TRMT44: variants seen among roughly 807,000 people sequenced by gnomAD.
The protein encoded by TRMT44 is tRNA methyltransferase 44 homolog.
A neutral mutation model predicts 77.3 loss-of-function variants in TRMT44; 78 were observed. That is an observed-to-expected ratio of 1.01 (90% CI 0.84 to 1.22). TRMT44 has a LOEUF of 1.22. Ranked by LOEUF, TRMT44 falls within the 50% of genes most tolerant of loss-of-function variation. The pLI, the probability that TRMT44 is intolerant of heterozygous loss-of-function variation, is 0.00. For missense variants in TRMT44, 1,090 were observed against 964.4 expected, an observed-to-expected ratio of 1.13 and a Z score of -1.73; for synonymous variants, 391 against 383.3, an observed-to-expected ratio of 1.02 and a Z score of -0.23.
At chr4:8,487,663 C>G (rs1213285753) in intron 2 of TRMT44, among the ~76,000 whole-genome samples, 1 of 151,762 alleles carries the variant, frequency 6.6e-6, no homozygotes, top group Non-Finnish European at 1.5e-5. Flanking sequence ...TTCTTGCCCC[C>G]TAGAAAAGCG....
chr4:8,443,164 G>A (rs904204742), intron 1 of TRMT44, among the ~76,000 whole-genome samples: 4 of 152,198 alleles, frequency 2.6e-5, no homozygotes, highest in African/African-American at 9.7e-5. Context: ...CTCTCTGCCA[G>A]TCCAGTCTAG....
chr4:8,445,106 C>A (rs1055249604), intron 1 of TRMT44, among the ~76,000 whole-genome samples: 13 of 152,228 alleles, frequency 8.5e-5, no homozygotes, highest in African/African-American at 3.1e-4. Context: ...AAACCCTGAT[C>A]CAGAGGATGG....
At position 8,459,322 on chromosome 4, in the gene TRMT44, G is replaced by T. The variant is rs73213413; in HGVS notation, c.1203+4509G>T. 8.8e-3 allele frequency among the ~76,000 whole-genome samples: 1,333 copies of T among 152,328 alleles called. 6 individuals carry two copies. The highest frequency in any genetic ancestry group is 0.033 in the South Asian group (159 of 4,826). On this transcript the variant is annotated intron_variant, in intron 6 of 10. Coordinates refer to ENST00000389737, the MANE Select transcript of TRMT44 (RefSeq NM_152544.3). Reference sequence around the variant, plus strand: ...TGACAGTCATCCAGTGCTGTGTGTGGATGCCTTTCTAAAGGTAAATGTATT... The same window carrying T: ...TGACAGTCATCCAGTGCTGTGTGTGTATGCCTTTCTAAAGGTAAATGTATT...
At chr4:8,468,598 C>T (rs1726766535) in intron 9 of TRMT44, 3 of 594,970 alleles carry the variant, frequency 5.0e-6, no homozygotes, top group African/African-American at 1.9e-5. Flanking sequence ...TTTTACCAAA[C>T]ATGCAGGTTT....
At chr4:8,479,445 T>G (rs921865414), downstream of TRMT44, 2 of 151,934 alleles carry the variant, frequency 1.3e-5, no homozygotes, top group African/African-American at 2.4e-5. Context: ...ACCCAGGCTG[T>G]GGGGGACGGG....
downstream of TRMT44, among the ~76,000 whole-genome samples, chr4:8,480,432 C>A (rs1727577721): frequency 6.6e-6 from 1 of 151,748 alleles, no homozygotes. Flanking sequence ...TCCTTGCACT[C>A]CGGACGTGAG....
At chr4:8,441,868 G>A (rs2109072890) in intron 1 of TRMT44, among the ~76,000 whole-genome samples, 1 of 152,334 alleles carries the variant, frequency 6.6e-6, no homozygotes, top group Non-Finnish European at 1.5e-5. Context: ...CAAAGCCTGG[G>A]AGCTCTGGTC....
At chr4:8,459,401 C>T (rs781740390) in intron 6 of TRMT44, among the ~76,000 whole-genome samples, 3 of 152,316 alleles carry the variant, frequency 2.0e-5, no homozygotes, top group South Asian at 2.1e-4. Context: ...GGTTGATTCT[C>T]TTATTATCCC....
At chr4:8,474,708 C>T (rs545485918) in intron 10 of TRMT44, among the ~76,000 whole-genome samples, 7 of 152,324 alleles carry the variant, frequency 4.6e-5, no homozygotes, top group African/African-American at 1.2e-4. Flanking sequence ...CTGTCGTGAG[C>T]GGTTTCCTAG....
Position 8,440,931 on chromosome 4 carries a change from C to CGG in TRMT44, c.110_111dup (p.Leu38GlyfsTer85). 1 of 1,530,202 alleles carries CGG rather than the reference C, an allele frequency of 6.5e-7. No individual in the cohort carries two copies. The highest frequency in any genetic ancestry group is 8.7e-7 in the Non-Finnish European group (1 of 1,145,364). The allele number at this position is 1,530,202 out of a possible 1,614,324, so 94.8% of individuals were successfully genotyped here. The stretch of plus-strand genomic sequence containing the variant: ...GGAGAGGCCGCAGGTGGCAAACAAA[C>CGG]GGCTTTGCGGCGCCCGCCTGGAGGC... On this transcript the variant is annotated frameshift_variant, in exon 1 of 11. Transcript: ENST00000389737. LOFTEE classifies it high-confidence loss of function.
chr4:8,490,193 G>GA (rs1163881422), intron 2 of TRMT44, among the ~76,000 whole-genome samples: 6 of 152,032 alleles, frequency 3.9e-5, no homozygotes, highest in Non-Finnish European at 7.4e-5. Flanking sequence ...AACTGCCTTT[G>GA]AAAAACCCCT....
Position 8,446,891 on chromosome 4 carries a change from GTTA to G in TRMT44, c.734+313_734+315del, listed in dbSNP as rs1011151046. On this transcript the variant is annotated intron_variant, in intron 2 of 10. Coordinates refer to ENST00000389737, the MANE Select transcript of TRMT44 (RefSeq NM_152544.3). This position sits in a 1 kb window ranked among gnomAD's most constrained non-coding sequence, Gnocchi z 4.3. The stretch of plus-strand genomic sequence containing the variant: ...AAACTCAAATTTCTTTATTGTTATT[GTTA>G]TTATTATTATTGAGACAGTCTTACA... Among the ~76,000 whole-genome samples, 14 of 152,178 alleles carry G rather than the reference GTTA, an allele frequency of 9.2e-5. No individual in the cohort carries two copies. The East Asian group carries it at 2.3e-3, about 25-fold the overall frequency.
At chr4:8,474,040 G>T (rs1022999037) in intron 10 of TRMT44, among the ~76,000 whole-genome samples, 2 of 152,242 alleles carry the variant, frequency 1.3e-5, no homozygotes, top group Non-Finnish European at 2.9e-5. Context: ...GAGCCGCGTG[G>T]GAGGGCCTGC....
chr4:8,473,185 C>T (rs921964746), intron 10 of TRMT44: 1 of 152,266 alleles, frequency 6.6e-6, no homozygotes, highest in African/African-American at 2.4e-5. Context: ...GAAATGTTTC[C>T]AGATGGCTTC....
Position 8,441,088 on chromosome 4 carries a change from C to G in TRMT44, c.266C>G (p.Ser89Ter), listed in dbSNP as rs1724644770. The part of the protein sequence containing the change: ...PGGGPGPRSL[S>*]GPEQGTACCE... ...GGGGGCCCGGGTCCCAGGTCGCTAT[C>G]AGGACCCGAGCAGGGCACGGCATGT... is the stretch of plus-strand genomic sequence containing the variant. The change falls in exon 1 of 11, where the codon TCA becomes TGA. Residue 89 changes from serine (S) to a stop codon, truncating the protein, a stop_gained. Coordinates refer to ENST00000389737, the MANE Select transcript of TRMT44 (RefSeq NM_152544.3). LOFTEE classifies it high-confidence loss of function. 7 of 1,501,666 alleles carry G rather than the reference C, an allele frequency of 4.7e-6. No individual in the cohort carries two copies. Among genetic ancestry groups the G allele is most frequent in the Non-Finnish European group, 5.3e-6 (6 of 1,129,628 alleles). The allele number at this position is 1,501,666 out of a possible 1,614,324, so 93.0% of individuals were successfully genotyped here.
the TRMT44 span, among the ~76,000 whole-genome samples, chr4:8,499,147 TG>T: frequency 6.6e-6 from 1 of 152,014 alleles, no homozygotes; most frequent in Admixed American, 6.6e-5. Context: ...CAAGGAGGCC[TG>T]GGTTAGAGGT....
chr4:8,487,791 G>A (rs1041511739), intron 2 of TRMT44, among the ~76,000 whole-genome samples: 1 of 152,138 alleles, frequency 6.6e-6, no homozygotes, highest in African/African-American at 2.4e-5. Flanking sequence ...CCCTCCCCCA[G>A]AAAAGCAGGA....
chr4:8,496,815 A>G (rs2109244193), downstream of TRMT44, among the ~76,000 whole-genome samples: 1 of 151,560 alleles, frequency 6.6e-6, no homozygotes, highest in East Asian at 1.9e-4. Context: ...AAAGCACGAA[A>G]TGGGGTTAAA....
At chr4:8,485,910 G>A (rs1251345945) in intron 2 of TRMT44, among the ~76,000 whole-genome samples, 1 of 152,184 alleles carries the variant, frequency 6.6e-6, no homozygotes, top group Non-Finnish European at 1.5e-5. Flanking sequence ...TTGAAAAGAA[G>A]GCAACGTGGA....
Sources: gnomAD v4.1 joint callset for allele counts (sites outside exome capture counted in the v4.1 genomes callset) on GRCh38, gnomAD v4.1.1 for gene constraint, Gnocchi (gnomAD v3.1) non-coding constraint, MANE v1.5 for transcripts, NCBI Gene and HGNC (gene_info 2026-07-23, HGNC 2026-07-21) for gene names.